Variants in NALF1 observed in about 807,000 individuals in gnomAD.
NALF1 encodes the protein family with sequence similarity 155 member A.
Under a neutral mutation model 48.4 loss-of-function variants are expected in NALF1, and 3 were observed. That is an observed-to-expected ratio of 0.06 (90% CI 0.03 to 0.16). The LOEUF (loss-of-function observed/expected upper bound fraction) is 0.16, where lower values mean the gene tolerates loss of function less well. Among genes scored for constraint, NALF1 ranks in the 10% least tolerant of loss-of-function variants. The probability of loss-of-function intolerance (pLI) is 1.00; values close to 1 mark genes in which losing one functional copy is unlikely to be tolerated. For synonymous variants in NALF1, 262 were observed against 245.7 expected (o/e 1.07, Z -0.62); for missense variants, 526 against 571.5 (o/e 0.92, Z 0.81).
chr13:107,293,046 T>C (rs1025192852), intron 1 of NALF1, among the ~76,000 whole-genome samples: 4 of 145,300 alleles, frequency 2.8e-5, no homozygotes, highest in Non-Finnish European at 4.5e-5. Flanking sequence ...AGTGGCACGA[T>C]CTCAGCTCAC....
At chr13:107,255,622 T>C (rs1358832846) in intron 1 of NALF1, among the ~76,000 whole-genome samples, 1 of 152,216 alleles carries the variant, frequency 6.6e-6, no homozygotes, top group Non-Finnish European at 1.5e-5. Flanking sequence ...CAATGTACAG[T>C]AATTAACATT....
At chr13:107,384,145 T>C (rs748336022) in intron 1 of NALF1, among the ~76,000 whole-genome samples, 6 of 151,986 alleles carry the variant, frequency 3.9e-5, no homozygotes, top group Non-Finnish European at 8.8e-5. Context: ...CCCAGCTACA[T>C]GGGAGGCTGA....
At chr13:107,710,006 A>G (rs982756941) in intron 1 of NALF1, among the ~76,000 whole-genome samples, 1 of 152,144 alleles carries the variant, frequency 6.6e-6, no homozygotes, top group African/African-American at 2.4e-5. Context: ...GGTCCCAGCT[A>G]CTGGGGAGGA....
chr13:107,617,553 C>T (rs1879411812), intron 1 of NALF1, among the ~76,000 whole-genome samples: 1 of 152,126 alleles, frequency 6.6e-6, no homozygotes, highest in Non-Finnish European at 1.5e-5. Context: ...TATCTGACCA[C>T]CACCGCAGTG....
At chr13:107,203,050 G>T (rs1460353452) in intron 2 of NALF1, among the ~76,000 whole-genome samples, 2 of 152,214 alleles carry the variant, frequency 1.3e-5, no homozygotes, top group South Asian at 2.1e-4. Context: ...AATTAGTCCA[G>T]TATCCAGAAC....
chr13:107,378,410 G>A lies in NALF1; in HGVS notation c.916-167655C>T, dbSNP rs79912504. Among the ~76,000 whole-genome samples the A allele has an allele frequency of 3.2e-3, 405 of 126,330 alleles. 3 individuals are homozygous for A. Among genetic ancestry groups the A allele is most frequent in the Middle Eastern group, 0.013 (3 of 228 alleles). 82.9% of individuals were successfully genotyped at this position (126,330 alleles called of 152,430 possible). On this transcript the variant is annotated intron_variant, in intron 1 of 2. Transcript: ENST00000375915. ...TGGAGAGACATATATATATATATAT[G>A]TATGCATGTCTATATATATAAATGA... is the stretch of plus-strand genomic sequence containing the variant.
chr13:107,726,050 T>G (rs1049585655), intron 1 of NALF1, among the ~76,000 whole-genome samples: 17 of 152,178 alleles, frequency 1.1e-4, no homozygotes, highest in Non-Finnish European at 2.4e-4. Context: ...TGCCTGCATG[T>G]GGCCTCATCT....
chr13:107,371,062 G>A (rs1374591146), intron 1 of NALF1, among the ~76,000 whole-genome samples: 1 of 152,192 alleles, frequency 6.6e-6, no homozygotes, highest in Non-Finnish European at 1.5e-5. Context: ...CATATCAATA[G>A]TAAACTTGGA....
intron 1 of NALF1, among the ~76,000 whole-genome samples, chr13:107,625,061 C>T (rs1221719684): frequency 6.6e-6 from 1 of 152,156 alleles, no homozygotes; most frequent in East Asian, 1.9e-4. Context: ...ACTGTGGCCC[C>T]TAATTGGGCT....
In NALF1 at chr13:107,488,427, C is replaced by T. The variant is rs1368026566; in HGVS notation, c.916-277672G>A. Among the ~76,000 whole-genome samples the T allele has an allele frequency of 2.0e-5, 3 of 152,092 alleles. No homozygotes were observed. The East Asian group carries it at 5.8e-4, about 30-fold the overall frequency. ...GGGCATTAATGCTATACATCTCCCC[C>T]TTAATACTGTCTTAGTTGTGTTCCA... On this transcript the variant is annotated intron_variant, in intron 1 of 2. Coordinates refer to ENST00000375915, the MANE Select transcript of NALF1 (RefSeq NM_001080396.3).
At chr13:107,848,181 GTTAACCT>G (rs1441444007) in intron 1 of NALF1, among the ~76,000 whole-genome samples, 1 of 152,164 alleles carries the variant, frequency 6.6e-6, no homozygotes, top group Admixed American at 6.5e-5. Context: ...TCTACAAACT[GTTAACCT>G]TTAACTGTTC....
At chr13:107,606,716 A>T (rs913130551) in intron 1 of NALF1, among the ~76,000 whole-genome samples, 19 of 151,670 alleles carry the variant, frequency 1.3e-4, no homozygotes, top group East Asian at 1.9e-4. Flanking sequence ...TTGACAAATT[A>T]AAAAAAAATT....
chr13:107,459,984 C>T (rs977254307), intron 1 of NALF1, among the ~76,000 whole-genome samples: 2 of 152,152 alleles, frequency 1.3e-5, no homozygotes, highest in Admixed American at 6.5e-5. Flanking sequence ...TCAAGGGAGA[C>T]GCCATCCTTG....
At chr13:107,599,870 G>A (rs894413998) in intron 1 of NALF1, among the ~76,000 whole-genome samples, 1 of 152,066 alleles carries the variant, frequency 6.6e-6, no homozygotes, top group African/African-American at 2.4e-5. Flanking sequence ...GTAAATCCCA[G>A]GCTAATTACA....
chr13:107,601,236 G>A (rs1288081638), intron 1 of NALF1, among the ~76,000 whole-genome samples: 1 of 152,120 alleles, frequency 6.6e-6, no homozygotes, highest in Non-Finnish European at 1.5e-5. Context: ...TGGAGGTGAT[G>A]GGGAACTGAG....
intron 1 of NALF1, among the ~76,000 whole-genome samples, chr13:107,513,141 C>T (rs1241886083): frequency 1.3e-5 from 2 of 152,088 alleles, no homozygotes; most frequent in Non-Finnish European, 2.9e-5. Flanking sequence ...AATAAGACAA[C>T]ATTTTTTTAG....
intron 1 of NALF1, among the ~76,000 whole-genome samples, chr13:107,342,564 A>T (rs1247835764): frequency 6.6e-6 from 1 of 152,194 alleles, no homozygotes; most frequent in Non-Finnish European, 1.5e-5. Flanking sequence ...CCTTATTGAA[A>T]CAAATACACA....
At chr13:107,517,804 A>G (rs1876111230) in intron 1 of NALF1, among the ~76,000 whole-genome samples, 1 of 152,040 alleles carries the variant, frequency 6.6e-6, no homozygotes, top group African/African-American at 2.4e-5. Context: ...AAAATACAAA[A>G]GTTAGCCAGG....
intron 1 of NALF1, among the ~76,000 whole-genome samples, chr13:107,772,143 C>T (rs1170364178): frequency 1.3e-5 from 2 of 152,118 alleles, no homozygotes; most frequent in Admixed American, 1.3e-4. Context: ...CATATACACA[C>T]GTATCGTATC....
Sources: allele counts gnomAD v4.1 joint callset (sites outside exome capture counted in the v4.1 genomes callset), GRCh38; gene constraint gnomAD v4.1.1; transcripts MANE v1.5; gene names NCBI Gene and HGNC (gene_info 2026-07-23, HGNC 2026-07-21).